The following TUSC3 variants were observed in gnomAD, a reference collection of about 807,000 sequenced individuals.
The protein encoded by TUSC3 is tumor suppressor candidate 3.
TUSC3 carries 45 observed loss-of-function variants against 44.8 expected under a neutral mutation model. The observed-to-expected ratio is 1.00, with a 90% CI of 0.79 to 1.29. The LOEUF (loss-of-function observed/expected upper bound fraction) is 1.29, where lower values mean the gene tolerates loss of function less well. TUSC3 is among the 50% of genes most tolerant of loss of function. TUSC3 has a pLI of 0.00. For missense variants in TUSC3, 519 were observed against 437.9 expected, an observed-to-expected ratio of 1.19 and a Z score of -1.65; for synonymous variants, 212 against 152.9, an observed-to-expected ratio of 1.39 and a Z score of -2.85.
intron 6 of TUSC3, among the ~76,000 whole-genome samples, chr8:15,729,441 A>G (rs1157882236): frequency 6.6e-6 from 1 of 152,158 alleles, no homozygotes; most frequent in Non-Finnish European, 1.5e-5. Flanking sequence ...CATTTGGAAG[A>G]TGACAGGTAA....
chr8:15,722,925 A>C (rs1003966490), intron 6 of TUSC3, among the ~76,000 whole-genome samples: 2 of 152,190 alleles, frequency 1.3e-5, no homozygotes, highest in East Asian at 3.9e-4. Context: ...CTTCCCATAC[A>C]GCCTCCCACA....
chr8:15,530,894 C>G (rs541459263), intron 2 of TUSC3, among the ~76,000 whole-genome samples: 12 of 152,240 alleles, frequency 7.9e-5, no homozygotes, highest in African/African-American at 2.9e-4. Context: ...AAACTCAGTC[C>G]TTGTGTGTCT....
upstream of TUSC3, among the ~76,000 whole-genome samples, chr8:15,539,677 G>T (rs779642284): frequency 9.9e-5 from 15 of 152,116 alleles, no homozygotes; most frequent in South Asian, 2.1e-4. Context: ...AATATTCATA[G>T]AATAGAAATT....
chr8:15,461,858 C>T (rs543816765), intron 1 of TUSC3, among the ~76,000 whole-genome samples: 63 of 151,674 alleles, frequency 4.2e-4, no homozygotes, highest in African/African-American at 1.4e-3. Context: ...AAATAATATA[C>T]AATTTTATTT....
intron 6 of TUSC3, among the ~76,000 whole-genome samples, chr8:15,689,785 G>T (rs530644212): frequency 4.7e-5 from 7 of 150,100 alleles, no homozygotes; most frequent in African/African-American, 1.7e-4. Flanking sequence ...CAAAGCACAT[G>T]ATCTCATTCT....
At chr8:15,632,141 G>A (rs193254878) in intron 2 of TUSC3, among the ~76,000 whole-genome samples, 99 of 151,906 alleles carry the variant, frequency 6.5e-4, no homozygotes, top group African/African-American at 2.0e-3. Flanking sequence ...TTTCACTCCC[G>A]CACCCCCATG....
At chr8:15,442,772 C>T (rs1027464060) in intron 1 of TUSC3, among the ~76,000 whole-genome samples, 1 of 152,112 alleles carries the variant, frequency 6.6e-6, no homozygotes, top group Non-Finnish European at 1.5e-5. Flanking sequence ...AGACTTCCTC[C>T]TTGACCAAAC....
At chr8:15,826,759 G>T in the TUSC3 span, among the ~76,000 whole-genome samples, 1 of 147,566 alleles carries the variant, frequency 6.8e-6, no homozygotes, top group East Asian at 2.1e-4. Context: ...TTATGGTGAG[G>T]GAAAAAAAAG....
chr8:15,687,022 G>A (rs1017564923), intron 6 of TUSC3, among the ~76,000 whole-genome samples: 1 of 152,230 alleles, frequency 6.6e-6, no homozygotes, highest in Non-Finnish European at 1.5e-5. Context: ...GCAGTGAGCC[G>A]AGATCGTGCC....
the TUSC3 span, among the ~76,000 whole-genome samples, chr8:15,824,446 A>G: frequency 5.4e-5 from 8 of 147,574 alleles, no homozygotes; most frequent in East Asian, 1.6e-3. Flanking sequence ...AGCTTCATCC[A>G]TGTCCCCACA....
chr8:15,729,855 A>C (rs534506947), intron 6 of TUSC3, among the ~76,000 whole-genome samples: 9 of 152,174 alleles, frequency 5.9e-5, no homozygotes, highest in Admixed American at 2.0e-4. Flanking sequence ...CCCCCTGAAA[A>C]AGTTTGAAGA....
intron 1 of TUSC3, among the ~76,000 whole-genome samples, chr8:15,468,131 A>G (rs539330575): frequency 6.6e-6 from 1 of 152,192 alleles, no homozygotes; most frequent in Middle Eastern, 3.2e-3. Flanking sequence ...TCTCCTGAAA[A>G]GCAGAATTGA....
chr8:15,511,435 G>A (rs1335229675), intron 2 of TUSC3, among the ~76,000 whole-genome samples: 3 of 152,142 alleles, frequency 2.0e-5, no homozygotes, highest in Non-Finnish European at 2.9e-5. Flanking sequence ...TAGCAAGGTT[G>A]AAGAACTCAA....
chr8:15,793,476 C>T, the TUSC3 span, among the ~76,000 whole-genome samples: 4 of 150,678 alleles, frequency 2.7e-5, no homozygotes, highest in African/African-American at 1.0e-4. Flanking sequence ...CACAGCTCAC[C>T]ACTGACCTCT....
intron 2 of TUSC3, among the ~76,000 whole-genome samples, chr8:15,487,334 T>C (rs778940837): frequency 3.9e-5 from 6 of 152,202 alleles, no homozygotes; most frequent in Admixed American, 1.3e-4. Flanking sequence ...ATTTATTTCC[T>C]CCTTCTGCTG....
At chr8:15,420,503 G>GAA (rs879409025) in intron 1 of TUSC3, among the ~76,000 whole-genome samples, 1 of 144,032 alleles carries the variant, frequency 6.9e-6, no homozygotes, top group African/African-American at 2.5e-5. Context: ...GTCTCATAAA[G>GAA]AAAAAAAAAA....
chr8:15,717,292 A>G (rs900746433), intron 6 of TUSC3, among the ~76,000 whole-genome samples: 1 of 152,112 alleles, frequency 6.6e-6, no homozygotes, highest in Non-Finnish European at 1.5e-5. Context: ...AGTAAGACGA[A>G]ACATCATTTT....
chr8:15,457,254 C>T (rs1362259473), intron 1 of TUSC3, among the ~76,000 whole-genome samples: 3 of 151,548 alleles, frequency 2.0e-5, no homozygotes, highest in Admixed American at 6.6e-5. Context: ...CAACATGGCA[C>T]GTGTATACAT....
chr8:15,556,654 C>T (rs1049568292), intron 1 of TUSC3, among the ~76,000 whole-genome samples: 1 of 146,702 alleles, frequency 6.8e-6, no homozygotes, highest in African/African-American at 2.5e-5. Context: ...TCCACATCCT[C>T]TCCAGCACCT....
Sources: allele counts gnomAD v4.1 joint callset (sites outside exome capture counted in the v4.1 genomes callset), GRCh38; gene constraint gnomAD v4.1.1; transcripts MANE v1.5; gene names NCBI Gene and HGNC (gene_info 2026-07-23, HGNC 2026-07-21).